Variants in TBC1D22B observed in about 807,000 individuals in gnomAD.
The protein encoded by TBC1D22B is TBC1 domain family member 22B.
TBC1D22B carries 32 observed loss-of-function variants against 69.1 expected under a neutral mutation model. The observed-to-expected ratio is 0.46, with a 90% confidence interval of 0.35 to 0.62. TBC1D22B has a LOEUF of 0.62. Among genes scored for constraint, TBC1D22B ranks in the 20% least tolerant of loss-of-function variants. TBC1D22B has a pLI of 0.00. For missense variants in TBC1D22B, 462 were observed against 630.9 expected (o/e 0.73, Z 2.87); for synonymous variants, 206 against 229.8 (o/e 0.90, Z 0.94).
chr6:37,324,667 G>C (rs79800536), intron 12 of TBC1D22B, among the ~76,000 whole-genome samples: 1,694 of 151,924 alleles, frequency 0.011, 29 homozygotes, highest in African/African-American at 0.039. Context: ...AAAAAAAAAA[G>C]TGAATGCTTC....
chr6:37,315,498 A>C (rs889871184), intron 10 of TBC1D22B, among the ~76,000 whole-genome samples: 1 of 152,162 alleles, frequency 6.6e-6, no homozygotes, highest in Non-Finnish European at 1.5e-5. Context: ...TCAAGGCTAC[A>C]GTGAGCCAAG....
chr6:37,273,183 C>CAAAAAAAAAAAAAAAAAAAAAA (rs58720560), intron 2 of TBC1D22B, among the ~76,000 whole-genome samples: 1 of 77,272 alleles, frequency 1.3e-5, no homozygotes, highest in Admixed American at 1.6e-4. Flanking sequence ...AACCCCGAGG[C>CAAAAAAAAAAAAAAAAAAAAAA]AAAAAAAAAA....
In TBC1D22B at chr6:37,295,476, A is replaced by C. The variant is rs1358801116; in HGVS notation, c.982+4119A>C. 1.2e-5 allele frequency: 3 copies of C among 256,734 alleles called. No individual in the cohort carries two copies. The East Asian group carries it at 3.8e-4, about 33-fold the overall frequency. The allele number at this position is 256,734 out of a possible 1,614,324, so 15.9% of individuals were successfully genotyped here. On this transcript the variant is annotated intron_variant, in intron 8 of 12. Coordinates refer to ENST00000373491, the MANE Select transcript of TBC1D22B (RefSeq NM_017772.4). ...AAAGTCTGGTTTTATTTTAAGCTTTACATTTTTGTCAAGTGCAAGGTCAGC... is the reference window on the plus strand; with the variant it reads ...AAAGTCTGGTTTTATTTTAAGCTTTCCATTTTTGTCAAGTGCAAGGTCAGC...
chr6:37,263,243 G>A (rs568645759), intron 1 of TBC1D22B, among the ~76,000 whole-genome samples: 2 of 152,274 alleles, frequency 1.3e-5, no homozygotes, highest in South Asian at 4.1e-4. Context: ...GGCTTCCCCT[G>A]GAGAAGATGC....
intron 8 of TBC1D22B, among the ~76,000 whole-genome samples, chr6:37,298,985 A>G (rs766413522): frequency 1.3e-5 from 2 of 152,236 alleles, no homozygotes; most frequent in African/African-American, 2.4e-5. Flanking sequence ...AGCATGCCAA[A>G]TAGGTACTAC....
chr6:37,327,434 T>G lies in TBC1D22B; in HGVS notation c.1390-3610T>G, dbSNP rs1428971261. Among the ~76,000 whole-genome samples the G allele has an allele frequency of 8.4e-5, 6 of 71,184 alleles. 1 individual carries two copies. Among genetic ancestry groups the G allele is most frequent in the African/African-American group, 1.7e-4 (2 of 11,816 alleles). 46.7% of individuals were successfully genotyped at this position (71,184 alleles called of 152,430 possible). The stretch of plus-strand genomic sequence containing the variant: ...CGGAGCTTGCAGTGAGCCGAGATCG[T>G]GCCACTGCACTCCAGCCTGGGCGAC... On this transcript the variant is annotated intron_variant, in intron 12 of 12. Coordinates refer to ENST00000373491, the MANE Select transcript of TBC1D22B (RefSeq NM_017772.4).
Position 37,269,638 on chromosome 6 carries a change from G to T in TBC1D22B, c.101G>T (p.Arg34Leu), listed in dbSNP as rs781468708. ...YGAQHPPLDP[R>L]LTKNFIKERS... Reference sequence around the variant, plus strand: ...GCACAGCATCCTCCTCTTGACCCACGGCTCACCAAAAAGTAAGTCAAGACA... The same window carrying T: ...GCACAGCATCCTCCTCTTGACCCACTGCTCACCAAAAAGTAAGTCAAGACA... Residue 34 changes from arginine (R) to leucine (L), a missense_variant, in exon 2 of 13, where the codon CGG becomes CTG. By Grantham distance (102) the Arg-to-Leu change is moderately radical. Around this residue, in one of 2 missense-constraint regions of TBC1D22B, gnomAD observed 237 missense variants for 255.4 expected, o/e 0.93. Coordinates refer to ENST00000373491, the MANE Select transcript of TBC1D22B (RefSeq NM_017772.4). 2 of 1,613,788 alleles carry T rather than the reference G, an allele frequency of 1.2e-6. No homozygotes were observed. The highest frequency in any genetic ancestry group is 8.5e-7 in the Non-Finnish European group (1 of 1,179,974).
chr6:37,304,045 TC>T (rs2113769326), intron 8 of TBC1D22B, among the ~76,000 whole-genome samples: 1 of 152,284 alleles, frequency 6.6e-6, no homozygotes, highest in East Asian at 1.9e-4. Context: ...GAATGAAAAT[TC>T]CATAACTGCA....
chr6:37,291,538 G>A (rs1008333808), intron 8 of TBC1D22B, among the ~76,000 whole-genome samples, 181 bp downstream of exon 8: 8 of 152,216 alleles, frequency 5.3e-5, no homozygotes, highest in Admixed American at 6.5e-5. Context: ...TATCTCTTAA[G>A]ATGGTCACAG....
chr6:37,264,747 T>G (rs1318590481), intron 1 of TBC1D22B, among the ~76,000 whole-genome samples: 1 of 152,140 alleles, frequency 6.6e-6, no homozygotes, highest in African/African-American at 2.4e-5. Flanking sequence ...GGTGTAGAAT[T>G]TGAAGAGAAT....
intron 8 of TBC1D22B, among the ~76,000 whole-genome samples, chr6:37,307,697 TCAA>T (rs984412315): frequency 3.9e-4 from 59 of 152,098 alleles, no homozygotes; most frequent in African/African-American, 1.2e-3. Context: ...TGAGTCCGGT[TCAA>T]CAACAACAAC....
intron 1 of TBC1D22B, among the ~76,000 whole-genome samples, chr6:37,268,438 A>G (rs529033628): frequency 6.6e-6 from 1 of 152,238 alleles, no homozygotes; most frequent in South Asian, 2.1e-4. Context: ...TTTGTTGCCC[A>G]GGCTGGTTTC....
chr6:37,299,823 A>G (rs1225592576), intron 8 of TBC1D22B, among the ~76,000 whole-genome samples: 2 of 151,942 alleles, frequency 1.3e-5, no homozygotes, highest in East Asian at 1.9e-4. Flanking sequence ...CAATTTGGTC[A>G]ACATGGCAAA....
At position 37,316,799 on chromosome 6, in the gene TBC1D22B, G is replaced by T. The variant is rs780453792; in HGVS notation, c.1262G>T (p.Arg421Leu). ...CTGCTTATGCGGGAGCTTCCTCTTC[G>T]CTGCACCATCCGCCTGTGGGACACA... ...NNLLMRELPL[R>L]CTIRLWDTYQ... The change falls in exon 11 of 13, where the codon CGC becomes CTC. Residue 421 changes from arginine (R) to leucine (L), a missense_variant. By Grantham distance (102) the Arg-to-Leu change is moderately radical (BLOSUM62 -2). Coordinates refer to ENST00000373491, the MANE Select transcript of TBC1D22B (RefSeq NM_017772.4). 6.2e-7 allele frequency: 1 copy of T among 1,614,164 alleles called. No individual in the cohort carries two copies.
intron 1 of TBC1D22B, among the ~76,000 whole-genome samples, chr6:37,266,532 G>T (rs1766278915): frequency 6.7e-6 from 1 of 149,468 alleles, no homozygotes; most frequent in Non-Finnish European, 1.5e-5. Flanking sequence ...TACAATCTCG[G>T]CCCACTGCAA....
Position 37,291,827 on chromosome 6 carries a change from C to T in TBC1D22B, c.982+470C>T, listed in dbSNP as rs112282998. 3.7e-3 allele frequency among the ~76,000 whole-genome samples: 558 copies of T among 152,260 alleles called. 2 individuals are homozygous for T. The highest frequency in any genetic ancestry group is 0.012 in the African/African-American group (517 of 41,534). ...TGATGGAATGGGCCAAGGAGGACTC[C>T]AGGACCTTGATTTCTCCCCACTCCT... On this transcript the variant is annotated intron_variant, in intron 8 of 12. Coordinates refer to ENST00000373491, the MANE Select transcript of TBC1D22B (RefSeq NM_017772.4).
At chr6:37,262,356 G>A (rs925823733) in intron 1 of TBC1D22B, among the ~76,000 whole-genome samples, 5 of 151,936 alleles carry the variant, frequency 3.3e-5, no homozygotes, top group South Asian at 2.1e-4. Flanking sequence ...GCTAATTTTT[G>A]TATTTTTTGT....
At chr6:37,313,728 G>A (rs957727311) in intron 9 of TBC1D22B, 88 bp from the exon 10 acceptor site, 18 of 1,276,046 alleles carry the variant, frequency 1.4e-5, no homozygotes, top group Non-Finnish European at 1.9e-5. Flanking sequence ...TTGGAAAATG[G>A]CCTGAACTTC....
chr6:37,286,277 T>C (rs1362466211), intron 6 of TBC1D22B, among the ~76,000 whole-genome samples: 2 of 152,110 alleles, frequency 1.3e-5, no homozygotes, highest in Non-Finnish European at 2.9e-5. Context: ...AGTCACTTCT[T>C]TCTGAAGATA....
Sources: allele counts gnomAD v4.1 joint callset (sites outside exome capture counted in the v4.1 genomes callset), GRCh38; gene constraint gnomAD v4.1.1; regional missense constraint gnomAD v4.1.1; transcripts MANE v1.5; gene names NCBI Gene and HGNC (gene_info 2026-07-23, HGNC 2026-07-21).